Variants in SRP68 observed in about 807,000 individuals in gnomAD.
SRP68 encodes the protein signal recognition particle 68, also known as signal recognition particle subunit SRP68.
A neutral mutation model predicts 82.2 loss-of-function variants in SRP68; 15 were observed. The ratio of observed to expected loss-of-function variants is 0.18; its 90% CI spans 0.12 to 0.28. The LOEUF (loss-of-function observed/expected upper bound fraction) is 0.28. Ranked by LOEUF, SRP68 falls within the 10% of genes least tolerant of loss-of-function variation. SRP68 has a pLI of 1.00. For synonymous variants in SRP68, 261 were observed against 292.6 expected, an observed-to-expected ratio of 0.89 and a Z score of 1.10; for missense variants, 595 against 780.5, an observed-to-expected ratio of 0.76 and a Z score of 2.83.
intron 10 of SRP68, among the ~76,000 whole-genome samples, chr17:76,046,480 A>C (rs113714371): frequency 0.027 from 4,029 of 146,544 alleles, 172 homozygotes; most frequent in African/African-American, 0.091. Context: ...AAAAAAAAAA[A>C]AAAACAAAAA....
intron 4 of SRP68, among the ~76,000 whole-genome samples, chr17:76,063,637 G>C (rs1205221291): frequency 6.7e-6 from 1 of 149,532 alleles, no homozygotes; most frequent in Non-Finnish European, 1.5e-5. Flanking sequence ...GCAGTGAGCT[G>C]AGAACGCGCC....
Position 76,072,432 on chromosome 17 carries a change from ACCGCCGCCG to A in SRP68, c.51_59del (p.Gly19_Gly21del). ...CGCCGCTACCGCCGCCGCCACTGCCACCGCCGCCGCCACTGCCGCCGCCGCCGCCGCCGC... is the reference window on the plus strand; with the variant it reads ...CGCCGCTACCGCCGCCGCCACTGCCACCACTGCCGCCGCCGCCGCCGCCGC... On this transcript the variant is annotated inframe_deletion, in exon 1 of 16. Transcript: ENST00000307877. This position sits in a 1 kb window ranked among gnomAD's most constrained non-coding sequence, Gnocchi z 4.5. The A allele has an allele frequency of 1.9e-6, 3 of 1,585,464 alleles. No homozygotes were observed. Among genetic ancestry groups the A allele is most frequent in the Non-Finnish European group, 2.6e-6 (3 of 1,171,322 alleles).
chr17:76,043,508 C>G (rs2144483851), intron 13 of SRP68: 1 of 178,168 alleles, frequency 5.6e-6, no homozygotes, highest in South Asian at 1.3e-4. Flanking sequence ...AGACATCTAC[C>G]TTGAAAAAAA....
chr17:76,062,729 T>TTATATATATATA (rs200522360), intron 4 of SRP68, among the ~76,000 whole-genome samples: 12 of 14,510 alleles, frequency 8.3e-4, no homozygotes, highest in South Asian at 4.2e-3. Flanking sequence ...TATATTTATT[T>TTATATATATATA]TATATATATA....
chr17:76,052,983 C>T (rs904362021), intron 8 of SRP68, among the ~76,000 whole-genome samples: 4 of 146,588 alleles, frequency 2.7e-5, no homozygotes, highest in East Asian at 2.1e-4. Context: ...CACATGGCGT[C>T]GGACGCGGTG....
intron 8 of SRP68, 107 bp from the exon 9 acceptor site, chr17:76,050,633 T>TCACG: frequency 1.4e-6 from 1 of 697,550 alleles, no homozygotes; most frequent in African/African-American, 1.8e-5. Flanking sequence ...ACACACTCAC[T>TCACG]CACGCACGCC....
intron 8 of SRP68, 145 bp downstream of exon 8, chr17:76,057,258 G>A: frequency 2.4e-6 from 2 of 817,076 alleles, no homozygotes; most frequent in Non-Finnish European, 1.9e-6. Flanking sequence ...ATTCAATAAG[G>A]CACATCTCCG....
intron 2 of SRP68, among the ~76,000 whole-genome samples, 156 bp downstream of exon 2, chr17:76,070,222 C>T (rs1324797782): frequency 1.0e-5 from 1 of 95,512 alleles, no homozygotes; most frequent in East Asian, 3.1e-4. Context: ...GACTCCATCT[C>T]AAAAAAAAAA....
At chr17:76,054,167 C>T (rs1332016485) in intron 8 of SRP68, among the ~76,000 whole-genome samples, 2 of 152,216 alleles carry the variant, frequency 1.3e-5, no homozygotes, top group African/African-American at 4.8e-5. Context: ...CAGGTTCTCT[C>T]GTCAGGCTCA....
intron 3 of SRP68, among the ~76,000 whole-genome samples, chr17:76,064,639 G>A (rs921289476): frequency 6.6e-6 from 1 of 151,958 alleles, no homozygotes; most frequent in Non-Finnish European, 1.5e-5. Context: ...TCAGGAGTTC[G>A]AGATCAGCCT....
At chr17:76,070,239 A>AAC in intron 2 of SRP68, 139 bp downstream of exon 2, 1 of 703,446 alleles carries the variant, frequency 1.4e-6, no homozygotes. Flanking sequence ...AAAAAAAAAA[A>AAC]CAAAGCAAAC....
chr17:76,062,577 AC>A lies in SRP68; in HGVS notation c.562-1004del, dbSNP rs1373257106. On this transcript the variant is annotated intron_variant, in intron 4 of 15. Transcript: ENST00000307877. ...ATATACATTATATATTATATAATAT[AC>A]ATTATATAATATATAATATACATTA... Among the ~76,000 whole-genome samples, 37 of 64,752 alleles carry A rather than the reference AC, an allele frequency of 5.7e-4. 4 individuals are homozygous for A. The highest frequency in any genetic ancestry group is 3.9e-3 in the African/African-American group (37 of 9,438). The allele number at this position is 64,752 out of a possible 152,430, so 42.5% of individuals were successfully genotyped here.
intron 14 of SRP68, 22 bp downstream of exon 14, chr17:76,040,881 A>T (rs753257972): frequency 3.7e-5 from 59 of 1,612,658 alleles, no homozygotes; most frequent in Non-Finnish European, 4.4e-5. Flanking sequence ...CTGGGGATAC[A>T]AAGGCCAGGC....
chr17:76,047,041 A>G (rs1307436419), intron 10 of SRP68, among the ~76,000 whole-genome samples: 4 of 152,064 alleles, frequency 2.6e-5, no homozygotes, highest in Non-Finnish European at 5.9e-5. Context: ...CCGGGAGGCA[A>G]AGGTTGCAGT....
chr17:76,047,860 A>G (rs1406060023), intron 10 of SRP68, 46 bp downstream of exon 10: 3 of 1,038,334 alleles, frequency 2.9e-6, no homozygotes, highest in Non-Finnish European at 4.0e-6. Flanking sequence ...TTTTGTTCAA[A>G]TATTTTAATA....
Position 76,071,563 on chromosome 17 carries a change from T to C in SRP68, c.184+745A>G, listed in dbSNP as rs1003482215. On this transcript the variant is annotated intron_variant, in intron 1 of 15. Coordinates refer to ENST00000307877, the MANE Select transcript of SRP68 (RefSeq NM_014230.4). The surrounding 1 kb of genome is among the most constrained non-coding windows in gnomAD (Gnocchi z 4.7). ...GAACTATTACCAGTAATTCAAAATATTTAACTCCAAGCGCCTGAGAACTTT... is the reference window on the plus strand; with the variant it reads ...GAACTATTACCAGTAATTCAAAATACTTAACTCCAAGCGCCTGAGAACTTT... Among the ~76,000 whole-genome samples the C allele has an allele frequency of 6.6e-6, 1 of 152,200 alleles. No individual in the cohort carries two copies. The highest frequency in any genetic ancestry group is 2.4e-5 in the African/African-American group (1 of 41,446).
At chr17:76,060,852 A>G (rs922146389) in intron 6 of SRP68, 1 of 436,482 alleles carries the variant, frequency 2.3e-6, no homozygotes, top group Admixed American at 4.1e-5. Context: ...TAAAAAATGA[A>G]CTCAGCCGGA....
intron 6 of SRP68, chr17:76,060,674 T>G: frequency 2.6e-6 from 1 of 381,974 alleles, no homozygotes; most frequent in South Asian, 4.4e-5. Context: ...ACTATGGACT[T>G]TGGGAGATGA....
At chr17:76,064,736 G>A (rs112694588) in intron 3 of SRP68, among the ~76,000 whole-genome samples, 5,970 of 151,832 alleles carry the variant, frequency 0.039, 171 homozygotes, top group Middle Eastern at 0.068. Flanking sequence ...AGCTACTTGG[G>A]AGGCTGAGGC....
Sources: gnomAD v4.1 joint callset for allele counts (sites outside exome capture counted in the v4.1 genomes callset) on GRCh38, gnomAD v4.1.1 for gene constraint, Gnocchi (gnomAD v3.1) non-coding constraint, MANE v1.5 for transcripts, NCBI Gene and HGNC (gene_info 2026-07-23, HGNC 2026-07-21) for gene names.